The following ATP9A variants were observed in gnomAD, a reference collection of about 807,000 sequenced individuals.
ATP9A encodes probable phospholipid-transporting ATPase IIA.
ATP9A carries 52 observed loss-of-function variants against 144.1 expected under a neutral mutation model. The observed-to-expected ratio is 0.36, with a 90% CI of 0.29 to 0.45. The LOEUF (loss-of-function observed/expected upper bound fraction) is 0.45. Ranked by LOEUF, ATP9A falls within the 20% of genes least tolerant of loss-of-function variation. The pLI, the probability that ATP9A is intolerant of heterozygous loss-of-function variation, is 1.00. For synonymous variants in ATP9A, 582 were observed against 557.4 expected (o/e 1.04, Z -0.62); for missense variants, 947 against 1,392.7 (o/e 0.68, Z 5.09).
Position 51,694,903 on chromosome 20 carries a change from C to T in ATP9A, c.548-801G>A, listed in dbSNP as rs558323057. Among the ~76,000 whole-genome samples the T allele has an allele frequency of 7.2e-5, 11 of 152,198 alleles. No homozygotes were observed. In the East Asian group the frequency reaches 2.1e-3, roughly 29 times the overall value. On this transcript the variant is annotated intron_variant, in intron 6 of 27. Coordinates refer to ENST00000338821, the MANE Select transcript of ATP9A (RefSeq NM_006045.3). ...AGAAAAAAAGAGCATGTCAGGGGCC[C>T]TACTCCATAATGCTCTGTTTTCACT...
At chr20:51,621,640 C>T (rs2077227352) in intron 19 of ATP9A, among the ~76,000 whole-genome samples, 1 of 152,168 alleles carries the variant, frequency 6.6e-6, no homozygotes, top group Non-Finnish European at 1.5e-5. Flanking sequence ...TAAATGCTTC[C>T]CCTCTCAGGA....
intron 13 of ATP9A, among the ~76,000 whole-genome samples, chr20:51,664,876 C>A (rs972163842): frequency 2.0e-5 from 3 of 147,654 alleles, no homozygotes; most frequent in Admixed American, 6.9e-5. Flanking sequence ...CCCGCCACCA[C>A]CCCCGGCTAA....
At chr20:51,703,507 G>A (rs1001011311) in intron 4 of ATP9A, among the ~76,000 whole-genome samples, 6 of 152,124 alleles carry the variant, frequency 3.9e-5, no homozygotes, top group Non-Finnish European at 5.9e-5. Flanking sequence ...CACCCAAGTC[G>A]TCTCTCAATC....
chr20:51,685,213 A>G (rs1436938287), intron 9 of ATP9A, among the ~76,000 whole-genome samples: 4 of 152,148 alleles, frequency 2.6e-5, no homozygotes, highest in South Asian at 2.1e-4. Context: ...ATGAAGAAGA[A>G]GAGGCAAGTT....
At chr20:51,681,427 C>CTTTTTT (rs66579534) in intron 9 of ATP9A, among the ~76,000 whole-genome samples, 1,750 of 131,566 alleles carry the variant, frequency 0.013, 67 homozygotes, top group African/African-American at 0.039. Flanking sequence ...TCCTAAATTT[C>CTTTTTT]TTTTTTTTTT....
chr20:51,712,760 C>G (rs1291585408), intron 4 of ATP9A, among the ~76,000 whole-genome samples: 2 of 152,226 alleles, frequency 1.3e-5, no homozygotes, highest in African/African-American at 4.8e-5. Context: ...ACCAAGAGGC[C>G]TGTGGATGCT....
At chr20:51,641,665 AT>A (rs946121001) in intron 14 of ATP9A, among the ~76,000 whole-genome samples, 3 of 145,758 alleles carry the variant, frequency 2.1e-5, no homozygotes, top group Non-Finnish European at 4.7e-5. Flanking sequence ...AAAAATAAAA[AT>A]AAAAAAAATA....
intron 13 of ATP9A, among the ~76,000 whole-genome samples, chr20:51,664,167 A>T (rs969148879): frequency 1.3e-5 from 2 of 152,084 alleles, no homozygotes; most frequent in Admixed American, 6.5e-5. Context: ...GGCATGAGCT[A>T]CCACGCCCAG....
At chr20:51,712,561 G>T (rs980531411) in intron 4 of ATP9A, among the ~76,000 whole-genome samples, 5 of 152,142 alleles carry the variant, frequency 3.3e-5, no homozygotes, top group Admixed American at 1.3e-4. Context: ...AACTAAAGTA[G>T]CAACAGTTTA....
chr20:51,640,137 T>A (rs1324643258), intron 14 of ATP9A, among the ~76,000 whole-genome samples: 3 of 152,022 alleles, frequency 2.0e-5, no homozygotes, highest in Non-Finnish European at 4.4e-5. Flanking sequence ...TTGGCACAAT[T>A]ACGGATCACT....
rs146308676 is a variant in ATP9A at position 51,683,415 on chromosome 20, C to T, written c.799+5649G>A. 6.5e-3 allele frequency among the ~76,000 whole-genome samples: 981 copies of T among 151,228 alleles called. 17 individuals carry two copies. Among genetic ancestry groups the T allele is most frequent in the African/African-American group, 0.023 (939 of 41,466 alleles). On this transcript the variant is annotated intron_variant, in intron 9 of 27. Transcript: ENST00000338821. The stretch of plus-strand genomic sequence containing the variant: ...GAGCAGCTGGGATTACAGGCGCCCA[C>T]CACCACGCCCAGCTGATTATTATTA...
chr20:51,751,219 T>A (rs2077830058), intron 1 of ATP9A, among the ~76,000 whole-genome samples: 1 of 151,412 alleles, frequency 6.6e-6, no homozygotes, highest in South Asian at 2.1e-4. Flanking sequence ...GAATTAGGAA[T>A]GCAAAACTCT....
intron 4 of ATP9A, among the ~76,000 whole-genome samples, chr20:51,711,580 A>G (rs1328475622): frequency 1.3e-5 from 2 of 152,212 alleles, no homozygotes; most frequent in Admixed American, 6.5e-5. Flanking sequence ...GAATGGGATC[A>G]GTCATCTTAG....
At chr20:51,744,372 G>A (rs2122893544) in intron 1 of ATP9A, among the ~76,000 whole-genome samples, 1 of 152,150 alleles carries the variant, frequency 6.6e-6, no homozygotes, top group Non-Finnish European at 1.5e-5. Flanking sequence ...CACCATGTTG[G>A]CCAGGCTAGT....
At chr20:51,613,557 C>A in intron 23 of ATP9A, 120 bp downstream of exon 23, 1 of 1,162,740 alleles carries the variant, frequency 8.6e-7, no homozygotes, top group East Asian at 2.7e-5. Flanking sequence ...TAATCTAATT[C>A]CCAGGCTTTT....
At chr20:51,672,597 ATC>A (rs1289362898) in intron 11 of ATP9A, among the ~76,000 whole-genome samples, 2 of 152,186 alleles carry the variant, frequency 1.3e-5, no homozygotes, top group Non-Finnish European at 2.9e-5. Context: ...CAAAACGACA[ATC>A]TCTGTCCCCA....
At chr20:51,648,691 G>C (rs1247945560) in intron 14 of ATP9A, among the ~76,000 whole-genome samples, 1 of 152,180 alleles carries the variant, frequency 6.6e-6, no homozygotes, top group South Asian at 2.1e-4. Context: ...AATTATCCAG[G>C]TGTGGTGGTG....
intron 3 of ATP9A, among the ~76,000 whole-genome samples, chr20:51,724,325 T>C (rs940037062): frequency 5.9e-5 from 9 of 152,194 alleles, no homozygotes; most frequent in Non-Finnish European, 1.3e-4. Context: ...TTCTGCCCTC[T>C]CCATAGCTCA....
chr20:51,610,339 A>T (rs777129909), intron 23 of ATP9A, among the ~76,000 whole-genome samples, 174 bp from the exon 24 acceptor site: 1 of 152,210 alleles, frequency 6.6e-6, no homozygotes, highest in Non-Finnish European at 1.5e-5. Context: ...CCTATGAAGT[A>T]GGTACGATTC....
Sources: gnomAD v4.1 joint callset for allele counts (sites outside exome capture counted in the v4.1 genomes callset) on GRCh38, gnomAD v4.1.1 for gene constraint, MANE v1.5 for transcripts, NCBI Gene and HGNC (gene_info 2026-07-23, HGNC 2026-07-21) for gene names.